SDC2: variants seen among roughly 807,000 people sequenced by gnomAD.
SDC2 encodes syndecan 2, also known as syndecan-2.
A neutral mutation model predicts 22.2 loss-of-function variants in SDC2; 13 were observed. That is an observed-to-expected ratio of 0.59 (90% CI 0.38 to 0.93). The LOEUF (loss-of-function observed/expected upper bound fraction) is 0.93. SDC2 is among the 40% of genes least tolerant of loss of function. The probability of loss-of-function intolerance (pLI) is 0.00; values close to 1 mark genes in which losing one functional copy is unlikely to be tolerated. For missense variants in SDC2, 235 were observed against 246.8 expected (o/e 0.95, Z 0.32); for synonymous variants, 94 against 92.8 (o/e 1.01, Z -0.07).
At chr8:96,501,263 T>A (rs889213989) in intron 1 of SDC2, among the ~76,000 whole-genome samples, 4 of 149,404 alleles carry the variant, frequency 2.7e-5, no homozygotes, top group Non-Finnish European at 4.4e-5. Flanking sequence ...TAAAGGAAAA[T>A]TTTTTTTAAG....
At chr8:96,590,016 A>T (rs1814752049) in intron 1 of SDC2, among the ~76,000 whole-genome samples, 10 of 152,094 alleles carry the variant, frequency 6.6e-5, no homozygotes, top group Admixed American at 6.5e-4. Context: ...TGGGAATTTC[A>T]TCTATGGAGG....
chr8:96,524,931 G>GT (rs1195628998), intron 1 of SDC2, among the ~76,000 whole-genome samples: 1 of 152,122 alleles, frequency 6.6e-6, no homozygotes. Context: ...ATCAGTTGCA[G>GT]TTTTTTGTGG....
chr8:96,572,606 C>A (rs977533151), intron 1 of SDC2, among the ~76,000 whole-genome samples: 2 of 151,730 alleles, frequency 1.3e-5, no homozygotes, highest in Admixed American at 6.6e-5. Context: ...AAAAAAACAA[C>A]AAAGGCCCCA....
In SDC2 at chr8:96,574,718, T is replaced by C. The variant is rs867733272; in HGVS notation, c.61-18762T>C. Among the ~76,000 whole-genome samples, 12 of 152,326 alleles carry C rather than the reference T, an allele frequency of 7.9e-5. 1 individual carries two copies. The highest frequency in any genetic ancestry group is 3.4e-3 in the Middle Eastern group (1 of 294). On this transcript the variant is annotated intron_variant, in intron 1 of 4. Coordinates refer to ENST00000302190, the MANE Select transcript of SDC2 (RefSeq NM_002998.4). ...AGTGCTAGGCTTGTCTTACTGTTGT[T>C]CTGTGAAAAAGACATTTAATGCCTC...
At chr8:96,558,654 C>T (rs923276273) in intron 1 of SDC2, among the ~76,000 whole-genome samples, 4 of 152,126 alleles carry the variant, frequency 2.6e-5, no homozygotes, top group Non-Finnish European at 4.4e-5. Flanking sequence ...CCATTGTAAT[C>T]CCAACACTTT....
chr8:96,537,802 C>T (rs187900702), intron 1 of SDC2, among the ~76,000 whole-genome samples: 1 of 152,244 alleles, frequency 6.6e-6, no homozygotes, highest in Non-Finnish European at 1.5e-5. Flanking sequence ...TTAAAAATAC[C>T]TGTCAGTTGA....
At chr8:96,565,084 A>ATTTTGTTTTTTTTTTTTTTTT (rs1814274003) in intron 1 of SDC2, among the ~76,000 whole-genome samples, 1 of 67,800 alleles carries the variant, frequency 1.5e-5, no homozygotes, top group Non-Finnish European at 2.9e-5. Flanking sequence ...CCTAAATTTG[A>ATTTTGTTTTTTTTTTTTTTTT]TTTTTTTTTT....
intron 1 of SDC2, among the ~76,000 whole-genome samples, chr8:96,569,438 AGAGT>A (rs1303537565): frequency 6.6e-6 from 1 of 152,194 alleles, no homozygotes; most frequent in African/African-American, 2.4e-5. Flanking sequence ...CACACTTAGC[AGAGT>A]ATCTACCTCC....
chr8:96,503,900 A>T (rs938133479), intron 1 of SDC2, among the ~76,000 whole-genome samples: 3 of 152,226 alleles, frequency 2.0e-5, no homozygotes, highest in African/African-American at 4.8e-5. Flanking sequence ...AAGAGCAGAA[A>T]AAACAAACCT....
At chr8:96,584,002 T>G (rs536205340) in intron 1 of SDC2, among the ~76,000 whole-genome samples, 4 of 152,160 alleles carry the variant, frequency 2.6e-5, no homozygotes, top group Non-Finnish European at 5.9e-5. Flanking sequence ...AAGAAACATC[T>G]GGTCAAATAG....
chr8:96,529,417 T>G (rs1425127977), intron 1 of SDC2: 1 of 152,222 alleles, frequency 6.6e-6, no homozygotes, highest in Admixed American at 6.5e-5. Flanking sequence ...TAAATTTAAA[T>G]AAGAAAAGTT....
At chr8:96,602,995 T>A (rs1815018713) in intron 3 of SDC2, among the ~76,000 whole-genome samples, 1 of 152,212 alleles carries the variant, frequency 6.6e-6, no homozygotes, top group Non-Finnish European at 1.5e-5. Context: ...TATGTAATCC[T>A]TGACCTCTCT....
At chr8:96,499,720 C>G (rs186456454) in intron 1 of SDC2, among the ~76,000 whole-genome samples, 14 of 150,932 alleles carry the variant, frequency 9.3e-5, no homozygotes, top group Admixed American at 6.6e-4. Flanking sequence ...GCTTGAGGCA[C>G]GGAAGATAGG....
At chr8:96,563,236 GC>G (rs1445934865) in intron 1 of SDC2, among the ~76,000 whole-genome samples, 1 of 152,046 alleles carries the variant, frequency 6.6e-6, no homozygotes, top group East Asian at 1.9e-4. Flanking sequence ...GGCTTTCCTA[GC>G]CCTTCCTAGC....
chr8:96,608,601 C>T, intron 4 of SDC2, 131 bp downstream of exon 4: 2 of 764,966 alleles, frequency 2.6e-6, no homozygotes, highest in Non-Finnish European at 4.0e-6. Flanking sequence ...TGCTTGATTC[C>T]AGAGCGAGAA....
At chr8:96,607,857 C>G (rs1221959275) in intron 3 of SDC2, among the ~76,000 whole-genome samples, 2 of 152,074 alleles carry the variant, frequency 1.3e-5, no homozygotes, top group Admixed American at 6.5e-5. Flanking sequence ...TTGGGGATTG[C>G]TCCCCACAGA....
intron 1 of SDC2, among the ~76,000 whole-genome samples, chr8:96,517,973 G>C (rs1813432662): frequency 6.6e-6 from 1 of 152,172 alleles, no homozygotes; most frequent in African/African-American, 2.4e-5. Context: ...GGGATACAAA[G>C]AGCCGCAGAA....
In SDC2 at chr8:96,609,411, T is replaced by C; in HGVS notation, c.469T>C (p.Phe157Leu). The change falls in exon 5 of 5, where the codon TTT (phenylalanine) becomes CTT (leucine). Residue 157 changes from phenylalanine (F) to leucine (L), a missense_variant. Physicochemically the swap from Phe to Leu is conservative, Grantham distance 22. Transcript: ENST00000302190. ...AAVIAGGVIGFLFAIFLILLL... is the reference protein window; with the variant it reads ...AAVIAGGVIGLLFAIFLILLL... ...TGTCATTGCTGGTGGAGTTATTGGCTTTCTCTTTGCAATTTTTCTTATCCT... is the reference window on the plus strand; with the variant it reads ...TGTCATTGCTGGTGGAGTTATTGGCCTTCTCTTTGCAATTTTTCTTATCCT... 1 of 1,612,706 alleles carries C rather than the reference T, an allele frequency of 6.2e-7. No individual in the cohort carries two copies. The highest frequency in any genetic ancestry group is 8.5e-7 in the Non-Finnish European group (1 of 1,179,368).
chr8:96,506,013 A>T (rs1314606112), intron 1 of SDC2, among the ~76,000 whole-genome samples: 1 of 152,216 alleles, frequency 6.6e-6, no homozygotes, highest in African/African-American at 2.4e-5. Flanking sequence ...GTACAATCAA[A>T]ATTGCCAAAA....
Sources: gnomAD v4.1 joint callset for allele counts (sites outside exome capture counted in the v4.1 genomes callset) on GRCh38, gnomAD v4.1.1 for gene constraint, MANE v1.5 for transcripts, NCBI Gene and HGNC (gene_info 2026-07-23, HGNC 2026-07-21) for gene names.